Variants in CA4 observed in about 807,000 individuals in gnomAD.
CA4 encodes the protein CA-IV.
In CA4, 24 loss-of-function variants were observed where a neutral mutation model predicts 34.5. The ratio of observed to expected loss-of-function variants is 0.70; its 90% CI spans 0.50 to 0.98. The LOEUF is 0.98. CA4 is among the 50% of genes least tolerant of loss of function. The pLI, the probability that CA4 is intolerant of heterozygous loss-of-function variation, is 0.00. For synonymous variants in CA4, 178 were observed against 170.6 expected (o/e 1.04, Z -0.34); for missense variants, 394 against 396.7 (o/e 0.99, Z 0.06).
rs1379433843 is a variant in CA4 at position 60,159,391 on chromosome 17, G to A, written c.906G>A (p.Met302Ile). ...PWALPALLGP[M>I]LACLLAGFLR ...CCCTGCCTGCCCTGCTGGGCCCCAT[G>A]CTGGCCTGCCTGCTGGCCGGCTTCC... The change falls in exon 8 of 8, where the codon ATG becomes ATA. Residue 302 changes from methionine (M) to isoleucine (I), a missense_variant. Physicochemically the swap from Met to Ile is conservative, Grantham distance 10 (BLOSUM62 1). Coordinates refer to ENST00000300900, the MANE Select transcript of CA4 (RefSeq NM_000717.5). The A allele has an allele frequency of 6.2e-7, 1 of 1,612,430 alleles. No homozygotes were observed. Among genetic ancestry groups the A allele is most frequent in the Non-Finnish European group, 8.5e-7 (1 of 1,179,712 alleles).
chr17:60,172,621 A>G (rs928880966), downstream of CA4, among the ~76,000 whole-genome samples: 3 of 152,124 alleles, frequency 2.0e-5, no homozygotes, highest in African/African-American at 7.2e-5. Flanking sequence ...AGGCGGGTGG[A>G]TCACCTGAGG....
At chr17:60,155,818 A>ATT (rs1267692604) in intron 2 of CA4, among the ~76,000 whole-genome samples, 1 of 152,230 alleles carries the variant, frequency 6.6e-6, no homozygotes, top group Non-Finnish European at 1.5e-5. Context: ...GCAGCATTAA[A>ATT]GGAAGAAAGG....
At chr17:60,157,859 G>A in intron 5 of CA4, 71 bp downstream of exon 5, 1 of 1,525,962 alleles carries the variant, frequency 6.6e-7, no homozygotes, top group South Asian at 1.1e-5. Flanking sequence ...CAGAGACCTG[G>A]GACTCCAGCG....
chr17:60,175,031 C>T (rs1567739910), downstream of CA4, among the ~76,000 whole-genome samples: 1 of 152,026 alleles, frequency 6.6e-6, no homozygotes, highest in Non-Finnish European at 1.5e-5. Flanking sequence ...CTAGGCCAGT[C>T]CTTCCGAGGC....
Position 60,150,654 on chromosome 17 carries a change from T to TAAA in CA4, c.58+596_58+598dup, listed in dbSNP as rs66850461. Among the ~76,000 whole-genome samples the TAAA allele has an allele frequency of 1.5e-3, 51 of 33,908 alleles. 2 individuals carry two copies. Among genetic ancestry groups the TAAA allele is most frequent in the African/African-American group, 3.1e-3 (39 of 12,606 alleles). 22.2% of individuals were successfully genotyped at this position (33,908 alleles called of 152,430 possible). A position where few individuals can be genotyped will look rare whatever the true frequency, so the allele number is the denominator to read the frequency against. ...CTGCACTCCAGCCTGGTGCTCCGTT[T>TAAA]AAAAAAAAAAAAAAAAAAAAAAAAA... On this transcript the variant is annotated intron_variant, in intron 1 of 7. Coordinates refer to ENST00000300900, the MANE Select transcript of CA4 (RefSeq NM_000717.5).
chr17:60,175,900 T>G, the CA4 span, among the ~76,000 whole-genome samples: 1 of 150,456 alleles, frequency 6.6e-6, no homozygotes, highest in Non-Finnish European at 1.5e-5. Flanking sequence ...CACTGCAGCC[T>G]CTGCCTCCCG....
chr17:60,166,324 G>T (rs1462080188), intron 5 of CA4, among the ~76,000 whole-genome samples: 2 of 152,140 alleles, frequency 1.3e-5, no homozygotes, highest in African/African-American at 4.8e-5. Flanking sequence ...AGCCAGGCTG[G>T]TCTTAAACTC....
downstream of CA4, among the ~76,000 whole-genome samples, chr17:60,160,951 A>G (rs2083781481): frequency 6.7e-6 from 1 of 150,058 alleles, no homozygotes; most frequent in African/African-American, 2.5e-5. Flanking sequence ...GAGGCAGGAG[A>G]GTGAGGTGGA....
At chr17:60,168,955 G>A (rs763666268) in intron 5 of CA4, among the ~76,000 whole-genome samples, 2 of 152,144 alleles carry the variant, frequency 1.3e-5, no homozygotes, top group Non-Finnish European at 2.9e-5. Flanking sequence ...CAGTGTGGAA[G>A]CAGATTCACA....
chr17:60,156,691 A>G lies in CA4; in HGVS notation c.244A>G (p.Thr82Ala). ...TGGCTACGATAAGAAGCAAACGTGG[A>G]CTGTCCAAAATAACGGGCACTCAGG... The part of the protein sequence containing the change: ...FSGYDKKQTW[T>A]VQNNGHSVMM... The change falls in exon 3 of 8, where the codon ACT becomes GCT. Residue 82 changes from threonine to alanine, a missense_variant. Physicochemically the swap from Thr to Ala is moderately conservative, Grantham distance 58 (BLOSUM62 0). Transcript: ENST00000300900. 1 of 1,614,190 alleles carries G rather than the reference A, an allele frequency of 6.2e-7. No individual in the cohort carries two copies. Among genetic ancestry groups the G allele is most frequent in the Non-Finnish European group, 8.5e-7 (1 of 1,180,020 alleles).
chr17:60,172,596 C>T (rs1598010324), downstream of CA4, among the ~76,000 whole-genome samples: 1 of 152,202 alleles, frequency 6.6e-6, no homozygotes, highest in East Asian at 1.9e-4. Context: ...GTATTCCCAG[C>T]ACTTTGGGAG....
At position 60,159,457 on chromosome 17, in the gene CA4, CT is replaced by C. The variant is rs768095636; in HGVS notation, c.*34del. ...CTTCTGCACGCAGCCTCTCTGTTGCCTCAGCTCTCCAAGTTCCAGGCTTCCG... is the reference window on the plus strand; with the variant it reads ...CTTCTGCACGCAGCCTCTCTGTTGCCCAGCTCTCCAAGTTCCAGGCTTCCG... On this transcript the variant is annotated 3_prime_UTR_variant, in exon 8 of 8. Transcript: ENST00000300900. The C allele has an allele frequency of 3.1e-6, 5 of 1,603,314 alleles. No homozygotes were observed. The South Asian group carries it at 5.5e-5, about 18-fold the overall frequency.
the CA4 span, among the ~76,000 whole-genome samples, chr17:60,177,493 A>G: frequency 4.6e-5 from 7 of 152,244 alleles, no homozygotes; most frequent in Admixed American, 1.3e-4. Flanking sequence ...AAAATTAATT[A>G]CAACCAGTAT....
Position 60,150,042 on chromosome 17 carries a change from T to TGCTGCTGGC in CA4, c.12_20dup (p.Leu8_Leu10dup). ...TCTTTGCTGTCCCGCAAGATGCGGA[T>TGCTGCTGGC]GCTGCTGGCGCTCCTGGCCCTCTCC... On this transcript the variant is annotated inframe_insertion, in exon 1 of 8. Transcript: ENST00000300900. 1 of 1,602,474 alleles carries TGCTGCTGGC rather than the reference T, an allele frequency of 6.2e-7. No individual in the cohort carries two copies. The highest frequency in any genetic ancestry group is 8.5e-7 in the Non-Finnish European group (1 of 1,179,166).
intron 1 of CA4, 33 bp downstream of exon 1, chr17:60,150,125 T>TCGGCGGTCCCCTCCGTGCCCCC: frequency 6.4e-7 from 1 of 1,569,252 alleles, no homozygotes; most frequent in South Asian, 1.1e-5. Context: ...CAGGTGCCCC[T>TCGGCGGTCCCCTCCGTGCCCCC]CGGCGGTCCC....
At chr17:60,157,327 G>C (rs1200398552) in intron 3 of CA4, 100 bp from the exon 4 acceptor site, 16 of 1,375,142 alleles carry the variant, frequency 1.2e-5, no homozygotes, top group Admixed American at 1.9e-5. Flanking sequence ...TGAAGGTTGG[G>C]AGGCAGGAGA....
At chr17:60,155,902 G>A (rs1040203270) in intron 2 of CA4, among the ~76,000 whole-genome samples, 1 of 152,236 alleles carries the variant, frequency 6.6e-6, no homozygotes, top group East Asian at 1.9e-4. Flanking sequence ...GTGCCTGAGT[G>A]ATGGTCCTTT....
downstream of CA4, among the ~76,000 whole-genome samples, chr17:60,160,854 A>C (rs2083779798): frequency 7.3e-6 from 1 of 137,878 alleles, no homozygotes; most frequent in African/African-American, 2.6e-5. Flanking sequence ...GAGACTGCAA[A>C]TGTTGAGGTG....
chr17:60,163,974 G>A (rs554370884), downstream of CA4, among the ~76,000 whole-genome samples: 1 of 151,754 alleles, frequency 6.6e-6, no homozygotes, highest in African/African-American at 2.4e-5. Flanking sequence ...CTACGAGGGG[G>A]AAAAAAAGAA....
Sources: allele counts gnomAD v4.1 joint callset (sites outside exome capture counted in the v4.1 genomes callset), GRCh38; gene constraint gnomAD v4.1.1; transcripts MANE v1.5; gene names NCBI Gene and HGNC (gene_info 2026-07-23, HGNC 2026-07-21).